The following RIMS4 variants were observed in gnomAD, a reference collection of about 807,000 sequenced individuals.
RIMS4 encodes regulating synaptic membrane exocytosis 4, also known as regulating synaptic membrane exocytosis protein 4.
RIMS4 carries 9 observed loss-of-function variants against 29.0 expected under a neutral mutation model. The ratio of observed to expected loss-of-function variants is 0.31; its 90% confidence interval spans 0.19 to 0.54. The LOEUF is 0.54. Among genes scored for constraint, RIMS4 ranks in the 20% least tolerant of loss-of-function variants. The pLI is 0.94. For synonymous variants in RIMS4, 130 were observed against 152.9 expected, an observed-to-expected ratio of 0.85 and a Z score of 1.10; for missense variants, 193 against 365.7, an observed-to-expected ratio of 0.53 and a Z score of 3.85.
intron 1 of RIMS4, among the ~76,000 whole-genome samples, chr20:44,799,696 C>G (rs978892183): frequency 6.6e-6 from 1 of 152,138 alleles, no homozygotes. Context: ...AAACTTGAGG[C>G]CTCAGGTGCC....
At chr20:44,768,848 T>G (rs2066124845) in intron 2 of RIMS4, among the ~76,000 whole-genome samples, 1 of 152,250 alleles carries the variant, frequency 6.6e-6, no homozygotes. Flanking sequence ...TCCGTTAGAA[T>G]GCAACTGACC....
chr20:44,804,687 G>C (rs2066291016), intron 1 of RIMS4, among the ~76,000 whole-genome samples: 1 of 152,142 alleles, frequency 6.6e-6, no homozygotes, highest in Non-Finnish European at 1.5e-5. Flanking sequence ...AACTTGCTCT[G>C]CCTCTGGTTC....
In RIMS4 at chr20:44,793,980, G is replaced by C. The variant is rs1180915337; in HGVS notation, c.97+16195C>G. 2.6e-5 allele frequency among the ~76,000 whole-genome samples: 4 copies of C among 152,186 alleles called. No homozygotes were observed. The East Asian group carries it at 5.8e-4, about 22-fold the overall frequency. On this transcript the variant is annotated intron_variant, in intron 1 of 5. Transcript: ENST00000372851. ...GCTTTTTGGGACGCTGAGGCAGGAG[G>C]ATCACTTGAGCCCAAGAGTTTGCGG...
intron 2 of RIMS4, among the ~76,000 whole-genome samples, chr20:44,770,319 T>C (rs547703275): frequency 6.6e-6 from 1 of 152,286 alleles, no homozygotes; most frequent in East Asian, 1.9e-4. Context: ...ATCTGTATGA[T>C]AAGGAAGTTG....
At chr20:44,810,107 G>C (rs1264415781) in intron 1 of RIMS4, 68 bp downstream of exon 1, 3 of 959,674 alleles carry the variant, frequency 3.1e-6, no homozygotes, top group Non-Finnish European at 4.7e-6. Context: ...CGCACGGGTC[G>C]GGGAGGGGGC....
chr20:44,764,151 TATCC>T (rs376980648), intron 2 of RIMS4, among the ~76,000 whole-genome samples: 462 of 40,732 alleles, frequency 0.011, 39 homozygotes, highest in Middle Eastern at 0.022. Flanking sequence ...TGCATCCATT[TATCC>T]ATCCATCCAT....
At position 44,755,073 on chromosome 20, in the gene RIMS4, T is replaced by C. The variant is rs920247418; in HGVS notation, c.*1061A>G. On this transcript the variant is annotated 3_prime_UTR_variant, in exon 6 of 6. Coordinates refer to ENST00000372851, the MANE Select transcript of RIMS4 (RefSeq NM_182970.4). ...GCCATCTTTCCTTCAGCCAAGGTAA[T>C]TGAGGCCGGGGCAGTGGGTTCTGCC... 5 of 152,696 alleles carry C rather than the reference T, an allele frequency of 3.3e-5. No homozygotes were observed. The highest frequency in any genetic ancestry group is 5.9e-5 in the Non-Finnish European group (4 of 68,084). The allele number at this position is 152,696 out of a possible 1,614,324, so 9.5% of individuals were successfully genotyped here.
chr20:44,757,109 G>GTGGGC, intron 4 of RIMS4, 72 bp from the exon 5 acceptor site: 1 of 1,525,196 alleles, frequency 6.6e-7, no homozygotes, highest in Non-Finnish European at 9.0e-7. Context: ...GCAACAGAGG[G>GTGGGC]AGGCTGCCCA....
At chr20:44,767,100 C>G (rs2066117032) in intron 2 of RIMS4, among the ~76,000 whole-genome samples, 1 of 152,220 alleles carries the variant, frequency 6.6e-6, no homozygotes, top group African/African-American at 2.4e-5. Context: ...GGGTGCATCA[C>G]CTCTCTCCCA....
rs998660142 is a variant in RIMS4 at position 44,754,943 on chromosome 20, C to T, written c.*1191G>A. The T allele has an allele frequency of 9.2e-5, 14 of 152,374 alleles. No homozygotes were observed. The highest frequency in any genetic ancestry group is 2.9e-4 in the African/African-American group (12 of 41,342). 9.4% of individuals were successfully genotyped at this position (152,374 alleles called of 1,614,324 possible). On this transcript the variant is annotated 3_prime_UTR_variant, in exon 6 of 6. Transcript: ENST00000372851. ...CCTCCCTTGCATGCAAAAGGGCTCCCGCAGGCCCCAGGGAGGGCTGGGCTG... is the reference window on the plus strand; with the variant it reads ...CCTCCCTTGCATGCAAAAGGGCTCCTGCAGGCCCCAGGGAGGGCTGGGCTG...
chr20:44,774,945 C>G (rs1445252902), intron 1 of RIMS4, among the ~76,000 whole-genome samples: 2 of 152,074 alleles, frequency 1.3e-5, no homozygotes, highest in African/African-American at 4.8e-5. Flanking sequence ...AAGTCACCCA[C>G]CACACCCTCT....
chr20:44,760,094 C>G (rs2066077675), intron 2 of RIMS4, among the ~76,000 whole-genome samples: 1 of 152,168 alleles, frequency 6.6e-6, no homozygotes, highest in African/African-American at 2.4e-5. Flanking sequence ...AGGTACAAAA[C>G]TAGGCTATCC....
At chr20:44,763,079 G>A (rs562707085) in intron 2 of RIMS4, among the ~76,000 whole-genome samples, 3 of 152,346 alleles carry the variant, frequency 2.0e-5, no homozygotes, top group Admixed American at 1.3e-4. Flanking sequence ...TGCTGCATAT[G>A]TGCTACAACT....
At chr20:44,773,472 A>C (rs1222140778) in intron 1 of RIMS4, among the ~76,000 whole-genome samples, 1 of 152,104 alleles carries the variant, frequency 6.6e-6, no homozygotes, top group Non-Finnish European at 1.5e-5. Context: ...TGTCCCTGTC[A>C]GACGTGCAGG....
intron 1 of RIMS4, among the ~76,000 whole-genome samples, chr20:44,775,044 C>T (rs1434221754): frequency 2.0e-5 from 3 of 152,206 alleles, no homozygotes; most frequent in African/African-American, 7.2e-5. Context: ...CAGGTCTCAA[C>T]CCAGCTCCCG....
intron 1 of RIMS4, among the ~76,000 whole-genome samples, chr20:44,804,840 G>T (rs114008622): frequency 6.6e-6 from 1 of 152,188 alleles, no homozygotes; most frequent in Non-Finnish European, 1.5e-5. Context: ...GAGTCTAGGG[G>T]ATTGGGGATG....
At chr20:44,766,567 G>A (rs540875834) in intron 2 of RIMS4, among the ~76,000 whole-genome samples, 200 of 152,278 alleles carry the variant, frequency 1.3e-3, no homozygotes, top group South Asian at 6.4e-3. Flanking sequence ...AGCGATGTAT[G>A]GCCTTGACCA....
In RIMS4 at chr20:44,752,452, T is replaced by G. The variant is rs2066037898; in HGVS notation, c.*3682A>C. The G allele has an allele frequency of 1.3e-5, 2 of 152,234 alleles. No homozygotes were observed. Among genetic ancestry groups the G allele is most frequent in the African/African-American group, 4.8e-5 (2 of 41,436 alleles). The allele number at this position is 152,234 out of a possible 1,614,324, so 9.4% of individuals were successfully genotyped here. ...CCCCCTAAGCCACCTGCTCCACCTC[T>G]GGGTGTAAAAGAGTGAGCTCTGGGC... On this transcript the variant is annotated 3_prime_UTR_variant, in exon 6 of 6. Transcript: ENST00000372851.
chr20:44,794,697 G>A (rs567977727), intron 1 of RIMS4, among the ~76,000 whole-genome samples: 17 of 152,114 alleles, frequency 1.1e-4, no homozygotes, highest in Admixed American at 3.3e-4. Context: ...CCAGCCTCCC[G>A]GCATCACCAG....
Sources: gnomAD v4.1 joint callset for allele counts (sites outside exome capture counted in the v4.1 genomes callset) on GRCh38, gnomAD v4.1.1 for gene constraint, MANE v1.5 for transcripts, NCBI Gene and HGNC (gene_info 2026-07-23, HGNC 2026-07-21) for gene names.